Variants in RBFOX2 observed in about 807,000 individuals in gnomAD.
The protein encoded by RBFOX2 is RNA binding fox-1 homolog 2, also known as RNA binding protein fox-1 homolog 2.
In RBFOX2, 10 loss-of-function variants were observed where a neutral mutation model predicts 49.1. That is an observed-to-expected ratio of 0.20 (90% CI 0.13 to 0.35). The LOEUF is 0.35. Ranked by LOEUF, RBFOX2 falls within the 10% of genes least tolerant of loss-of-function variation. RBFOX2 has a pLI of 1.00. For missense variants in RBFOX2, 323 were observed against 486.9 expected (o/e 0.66, Z 3.17); for synonymous variants, 183 against 187.4 (o/e 0.98, Z 0.19).
At chr22:35,871,928 C>T (rs1488105299) in intron 1 of RBFOX2, among the ~76,000 whole-genome samples, 1 of 152,194 alleles carries the variant, frequency 6.6e-6, no homozygotes, top group Admixed American at 6.5e-5. Context: ...ATTAAACTCT[C>T]TAATTTAGAG....
chr22:35,822,219 C>CT (rs897325004), intron 1 of RBFOX2, among the ~76,000 whole-genome samples: 8 of 152,222 alleles, frequency 5.3e-5, no homozygotes, highest in African/African-American at 1.9e-4. Flanking sequence ...TAAACCTCTA[C>CT]TTTTTGGGAG....
At chr22:35,868,651 T>G (rs1320098845) in intron 1 of RBFOX2, among the ~76,000 whole-genome samples, 1 of 152,116 alleles carries the variant, frequency 6.6e-6, no homozygotes, top group Non-Finnish European at 1.5e-5. Context: ...CCACTAAGTA[T>G]GGGCACTAGT....
intron 1 of RBFOX2, among the ~76,000 whole-genome samples, chr22:35,833,833 T>C (rs547431179): frequency 2.2e-4 from 34 of 152,304 alleles, no homozygotes; most frequent in African/African-American, 8.2e-4. Flanking sequence ...ATAAATGCTC[T>C]AAAATATGTA....
At chr22:35,792,315 CAAA>C (rs1187704252) in intron 2 of RBFOX2, among the ~76,000 whole-genome samples, 1 of 36,438 alleles carries the variant, frequency 2.7e-5, no homozygotes, top group Non-Finnish European at 5.5e-5. Context: ...AACTCCGTCT[CAAA>C]AAAAAAAAAA....
chr22:35,896,352 C>A (rs948937415), intron 1 of RBFOX2, among the ~76,000 whole-genome samples: 1 of 152,134 alleles, frequency 6.6e-6, no homozygotes, highest in Non-Finnish European at 1.5e-5. Flanking sequence ...GAGGAATATT[C>A]CACTCCTTCC....
At chr22:35,830,026 T>A (rs1406776038) in intron 1 of RBFOX2, among the ~76,000 whole-genome samples, 3 of 152,196 alleles carry the variant, frequency 2.0e-5, no homozygotes, top group African/African-American at 7.2e-5. Flanking sequence ...ATGTAAAGCA[T>A]CTATTTCCCA....
chr22:36,025,913 G>C (rs1426741831), intron 1 of RBFOX2, among the ~76,000 whole-genome samples: 1 of 151,984 alleles, frequency 6.6e-6, no homozygotes, highest in African/African-American at 2.4e-5. Context: ...TGAAGGCAGG[G>C]CCTAAATCAA....
chr22:35,954,204 A>G (rs2149875858), intron 1 of RBFOX2, among the ~76,000 whole-genome samples: 1 of 152,258 alleles, frequency 6.6e-6, no homozygotes, highest in South Asian at 2.1e-4. Context: ...GTATTTTCTA[A>G]CTGTTCAACA....
chr22:35,771,446 C>T (rs1045607627), intron 4 of RBFOX2, among the ~76,000 whole-genome samples: 1 of 152,100 alleles, frequency 6.6e-6, no homozygotes, highest in Non-Finnish European at 1.5e-5. Context: ...CCTGAAGAAC[C>T]CAACACGTTG....
chr22:35,939,038 G>A, upstream of RBFOX2: 1 of 800,924 alleles, frequency 1.2e-6, no homozygotes, highest in South Asian at 1.5e-5. Flanking sequence ...CCCTACCTAA[G>A]TGTATATATC....
chr22:35,929,136 T>C (rs1418586245), intron 1 of RBFOX2, among the ~76,000 whole-genome samples: 3 of 151,808 alleles, frequency 2.0e-5, no homozygotes, highest in African/African-American at 7.2e-5. Context: ...TATTATTTTA[T>C]TTTATTTATT....
At chr22:35,863,497 C>G (rs1034232204) in intron 1 of RBFOX2, among the ~76,000 whole-genome samples, 1 of 152,090 alleles carries the variant, frequency 6.6e-6, no homozygotes, top group Non-Finnish European at 1.5e-5. Context: ...CGTGTACCTG[C>G]CCCTCTTCTT....
At chr22:35,893,903 A>T (rs191359370) in intron 1 of RBFOX2, among the ~76,000 whole-genome samples, 3 of 152,152 alleles carry the variant, frequency 2.0e-5, no homozygotes, top group African/African-American at 7.2e-5. Context: ...AGCCAAGAGC[A>T]TCACATCTAG....
At chr22:36,013,769 T>C (rs1200639467) in intron 1 of RBFOX2, among the ~76,000 whole-genome samples, 2 of 151,994 alleles carry the variant, frequency 1.3e-5, no homozygotes, top group Non-Finnish European at 1.5e-5. Context: ...ACAGAGAGTA[T>C]GCTAATATTT....
In RBFOX2 at chr22:35,827,918, G is replaced by A. The variant is rs536548084; in HGVS notation, c.27+12274C>T. 1.0e-3 allele frequency among the ~76,000 whole-genome samples: 156 copies of A among 152,316 alleles called. 1 individual carries two copies. Among genetic ancestry groups the A allele is most frequent in the Admixed American group, 8.8e-3 (134 of 15,296 alleles). On this transcript the variant is annotated intron_variant, in intron 1 of 11. Transcript: ENST00000405409. ...GCAGTGGCTCACGCCTGTAATCCCA[G>A]CACTTTGGGAGGCCGAGGTGGGCAG...
At chr22:35,852,075 A>G (rs990742733) in intron 1 of RBFOX2, among the ~76,000 whole-genome samples, 2 of 152,204 alleles carry the variant, frequency 1.3e-5, no homozygotes, top group African/African-American at 4.8e-5. Context: ...AAAAAACCCA[A>G]TACTGTATAA....
chr22:35,986,920 T>C (rs552145943), intron 1 of RBFOX2, among the ~76,000 whole-genome samples: 1 of 152,124 alleles, frequency 6.6e-6, no homozygotes, highest in East Asian at 1.9e-4. Flanking sequence ...CCATAAACTC[T>C]TACTTCACTG....
At chr22:35,862,554 A>T (rs1181468776) in intron 1 of RBFOX2, among the ~76,000 whole-genome samples, 1 of 152,130 alleles carries the variant, frequency 6.6e-6, no homozygotes, top group East Asian at 1.9e-4. Flanking sequence ...TTTGCCAGAC[A>T]TATCATCGTT....
rs1488134575 is a variant in RBFOX2 at position 35,749,836 on chromosome 22, G to A, written c.888-3275C>T. Among the ~76,000 whole-genome samples, 2 of 152,126 alleles carry A rather than the reference G, an allele frequency of 1.3e-5. No individual in the cohort carries two copies. The highest frequency in any genetic ancestry group is 4.8e-5 in the African/African-American group (2 of 41,420). On this transcript the variant is annotated intron_variant, in intron 9 of 11. Coordinates refer to ENST00000405409, the Ensembl canonical transcript of RBFOX2. The surrounding 1 kb of genome is among the most constrained non-coding windows in gnomAD (Gnocchi z 4.1). ...GGGTTCAGGCGTGGGGAGGGATATG[G>A]CGCCACATTTATTAATCACATTAAA...
Sources: allele counts gnomAD v4.1 joint callset (sites outside exome capture counted in the v4.1 genomes callset), GRCh38; gene constraint gnomAD v4.1.1; non-coding constraint Gnocchi (gnomAD v3.1); transcripts MANE v1.5; gene names NCBI Gene and HGNC (gene_info 2026-07-23, HGNC 2026-07-21).